Variants in USP42 observed in about 807,000 individuals in gnomAD.
USP42 encodes the protein ubiquitin carboxyl-terminal hydrolase 42.
In USP42, 23 loss-of-function variants were observed where a neutral mutation model predicts 113.0. The observed-to-expected ratio is 0.20, with a 90% confidence interval of 0.15 to 0.29. The LOEUF (loss-of-function observed/expected upper bound fraction) is 0.29. Among genes scored for constraint, USP42 ranks in the 10% least tolerant of loss-of-function variants. USP42 has a pLI of 1.00. For synonymous variants in USP42, 933 were observed against 699.0 expected (o/e 1.33, Z -5.28); for missense variants, 2,174 against 1,779.8 (o/e 1.22, Z -3.99).
the USP42 span, among the ~76,000 whole-genome samples, chr7:6,091,985 T>C: frequency 1.2e-3 from 41 of 34,368 alleles, 3 homozygotes; most frequent in African/African-American, 3.0e-3. Flanking sequence ...TTTTTTCTTC[T>C]TCTTCTTCTT....
Position 6,159,746 on chromosome 7 carries a change from G to A in USP42, c.*36+253G>A, listed in dbSNP as rs991024048. Among the ~76,000 whole-genome samples the A allele has an allele frequency of 6.6e-6, 1 of 152,220 alleles. No individual in the cohort carries two copies. Among genetic ancestry groups the A allele is most frequent in the Admixed American group, 6.5e-5 (1 of 15,280 alleles). On this transcript the variant is annotated intron_variant, in intron 17 of 17. Coordinates refer to ENST00000306177, the MANE Select transcript of USP42 (RefSeq NM_032172.3). This position sits in a 1 kb window ranked among gnomAD's most constrained non-coding sequence, Gnocchi z 4.1. ...CCGCATCCTTCACGCAGGCAGAGTCGCCCTGTTCCCTTGTGCCTCACTTGG... is the reference window on the plus strand; with the variant it reads ...CCGCATCCTTCACGCAGGCAGAGTCACCCTGTTCCCTTGTGCCTCACTTGG...
chr7:6,152,404 C>T (rs1562851774), intron 14 of USP42, among the ~76,000 whole-genome samples: 2 of 152,330 alleles, frequency 1.3e-5, no homozygotes, highest in East Asian at 1.9e-4. Flanking sequence ...AGTGACACAC[C>T]CGTAGTTTTT....
rs776392661 is a variant in USP42, at chr7:6,161,255, C to T, written c.*737C>T. On this transcript the variant is annotated 3_prime_UTR_variant, in exon 18 of 18. Transcript: ENST00000306177. ...TTGTCTTCACTGATACTGGAGTCTC[C>T]GTTGTCTGCTTGGTCCCTTCGAGTT... is the stretch of plus-strand genomic sequence containing the variant. 4 of 152,468 alleles carry T rather than the reference C, an allele frequency of 2.6e-5. No individual in the cohort carries two copies. The highest frequency in any genetic ancestry group is 5.9e-5 in the Non-Finnish European group (4 of 68,020). 9.4% of individuals were successfully genotyped at this position (152,468 alleles called of 1,614,324 possible). A position where few individuals can be genotyped will look rare whatever the true frequency, so the allele number is the denominator to read the frequency against.
chr7:6,140,730 C>T (rs1459088653), intron 6 of USP42, among the ~76,000 whole-genome samples, 184 bp from the exon 7 acceptor site: 3 of 152,008 alleles, frequency 2.0e-5, no homozygotes, highest in Non-Finnish European at 4.4e-5. Context: ...TATGAGGGGC[C>T]AAATTCATTA....
chr7:6,090,346 A>ATTTATATATATTTC, the USP42 span, among the ~76,000 whole-genome samples: 4 of 119,896 alleles, frequency 3.3e-5, no homozygotes, highest in African/African-American at 1.1e-4. Context: ...TTATATATAT[A>ATTTATATATATTTC]TTTATATATA....
Position 6,150,129 on chromosome 7 carries a change from G to A in USP42, c.1933G>A (p.Glu645Lys). The A allele has an allele frequency of 6.2e-7, 1 of 1,613,300 alleles. No individual in the cohort carries two copies. Among genetic ancestry groups the A allele is most frequent in the Admixed American group, 1.7e-5 (1 of 59,908 alleles). The change falls in exon 13 of 18, where the codon GAG (glutamate) becomes AAG (lysine). Residue 645 changes from glutamate (E) to lysine (K), a missense_variant. Transcript: ENST00000306177. ...HSPGQDAEDE[E>K]ATPHELQEPM... Reference sequence around the variant, plus strand: ...TCCCGGCCAAGATGCCGAAGATGAGGAGGCCACTCCGCACGAGCTTCAAGA... The same window carrying A: ...TCCCGGCCAAGATGCCGAAGATGAGAAGGCCACTCCGCACGAGCTTCAAGA...
rs561609826 is a variant in USP42, at chr7:6,142,273, G to A, written c.796-659G>A. Among the ~76,000 whole-genome samples the A allele has an allele frequency of 2.7e-5, 4 of 150,466 alleles. 1 individual carries two copies. The highest frequency in any genetic ancestry group is 9.8e-5 in the African/African-American group (4 of 40,676). ...GCTCTGTCACCCAGGCTAGAGTGCA[G>A]TGGCTCGATCTCGGCTCACTGCAAC... On this transcript the variant is annotated intron_variant, in intron 7 of 17. Transcript: ENST00000306177.
the USP42 span, chr7:6,081,946 A>G: frequency 2.6e-5 from 4 of 152,264 alleles, no homozygotes; most frequent in South Asian, 2.1e-4. Flanking sequence ...AAGTTGCAGA[A>G]CAACACATAA....
chr7:6,083,588 A>C, the USP42 span, among the ~76,000 whole-genome samples: 1 of 150,516 alleles, frequency 6.6e-6, no homozygotes, highest in Non-Finnish European at 1.5e-5. Context: ...ATACATATAT[A>C]TACACACACA....
At position 6,155,202 on chromosome 7, in the gene USP42, C is replaced by T. The variant is rs561852755; in HGVS notation, c.3641+7C>T. On this transcript the variant is annotated splice_region_variant and intron_variant, in intron 15 of 17. Coordinates refer to ENST00000306177, the MANE Select transcript of USP42 (RefSeq NM_032172.3). ...ACCGAGACCGCGACTCCAGGTGAGC[C>T]TGGGGCCTTGTGCTCCCCGAGGCGC... The T allele has an allele frequency of 1.3e-6, 2 of 1,521,048 alleles. No individual in the cohort carries two copies. Among genetic ancestry groups the T allele is most frequent in the Non-Finnish European group, 1.8e-6 (2 of 1,141,112 alleles). The allele number at this position is 1,521,048 out of a possible 1,614,324, so 94.2% of individuals were successfully genotyped here.
intron 2 of USP42, among the ~76,000 whole-genome samples, chr7:6,113,984 A>G (rs578061308): frequency 2.4e-4 from 37 of 152,318 alleles, no homozygotes; most frequent in Non-Finnish European, 3.5e-4. Context: ...TAGTCTTGCC[A>G]TTGATGATTT....
intron 11 of USP42, 88 bp downstream of exon 11, chr7:6,146,336 T>TAAAAAA: frequency 1.3e-6 from 1 of 781,868 alleles, no homozygotes; most frequent in Non-Finnish European, 1.9e-6. Flanking sequence ...ATTCAGTGTT[T>TAAAAAA]TAAAAAAAAA....
intron 3 of USP42, among the ~76,000 whole-genome samples, chr7:6,123,177 C>G (rs1032179131): frequency 6.6e-6 from 1 of 152,160 alleles, no homozygotes; most frequent in Non-Finnish European, 1.5e-5. Context: ...AAATGACCCT[C>G]TTCATCCCAA....
intron 3 of USP42, among the ~76,000 whole-genome samples, chr7:6,123,990 C>T (rs1289507025): frequency 6.6e-6 from 1 of 152,128 alleles, no homozygotes; most frequent in African/African-American, 2.4e-5. Context: ...TGCCTCCTGC[C>T]TCGGTCTCCT....
rs953733730 is a variant in USP42, at chr7:6,154,911, A to T, written c.3357A>T (p.Ala1119=). The T allele has an allele frequency of 5.8e-6, 9 of 1,546,892 alleles. No individual in the cohort carries two copies. The African/African-American group carries it at 1.2e-4, about 21-fold the overall frequency. ...RERHRPSSPR[A]GAPHALAPHP... The stretch of plus-strand genomic sequence containing the variant: ...GGCACCGCCCCAGCAGCCCCCGCGC[A>T]GGCGCGCCCCACGCCCTCGCCCCGC... The change falls in exon 15 of 18, where the codon GCA becomes GCT. Residue 1119 remains alanine (A), a synonymous_variant. Coordinates refer to ENST00000306177, the MANE Select transcript of USP42 (RefSeq NM_032172.3).
In USP42 at chr7:6,112,219, C is replaced by T. The variant is rs932962321; in HGVS notation, c.241+845C>T. Among the ~76,000 whole-genome samples the T allele has an allele frequency of 5.3e-5, 8 of 152,174 alleles. No individual in the cohort carries two copies. In the East Asian group the frequency reaches 1.4e-3, roughly 26 times the overall value. ...ATCCCAGCACTTTGGGAGGCCAAGG[C>T]AGGTGGATCACCTGAGGTCAGGAGT... On this transcript the variant is annotated intron_variant, in intron 2 of 17. Transcript: ENST00000306177.
At chr7:6,151,514 T>C (rs1390774748) in intron 14 of USP42, among the ~76,000 whole-genome samples, 2 of 152,244 alleles carry the variant, frequency 1.3e-5, no homozygotes, top group Non-Finnish European at 2.9e-5. Flanking sequence ...CTCAGCTCAC[T>C]GCAGCCTCCG....
At position 6,154,483 on chromosome 7, in the gene USP42, C is replaced by G. The variant is rs1276999698; in HGVS notation, c.2929C>G (p.Arg977Gly). The change falls in exon 15 of 18, where the codon CGT becomes GGT. Residue 977 changes from arginine (R) to glycine (G), a missense_variant. Arg to Gly is a moderately radical substitution (Grantham distance 125). Coordinates refer to ENST00000306177, the MANE Select transcript of USP42 (RefSeq NM_032172.3). The part of the protein sequence containing the change: ...RESRSKTEGH[R>G]HRRRRTCPRE... Reference sequence around the variant, plus strand: ...GAGCAGGAGCAAGACTGAGGGCCACCGTCACCGGCGGCGCCGCACCTGCCC... The same window carrying G: ...GAGCAGGAGCAAGACTGAGGGCCACGGTCACCGGCGGCGCCGCACCTGCCC... 2 of 1,549,770 alleles carry G rather than the reference C, an allele frequency of 1.3e-6. No homozygotes were observed. The highest frequency in any genetic ancestry group is 3.9e-5 in the Admixed American group (2 of 51,234).
chr7:6,128,383 T>C (rs1371025440), intron 3 of USP42, among the ~76,000 whole-genome samples: 1 of 151,916 alleles, frequency 6.6e-6, no homozygotes, highest in East Asian at 1.9e-4. Flanking sequence ...CATCTCAGCC[T>C]TTGGAGCAGT....
Sources: gnomAD v4.1 joint callset for allele counts (sites outside exome capture counted in the v4.1 genomes callset) on GRCh38, gnomAD v4.1.1 for gene constraint, Gnocchi (gnomAD v3.1) non-coding constraint, MANE v1.5 for transcripts, NCBI Gene and HGNC (gene_info 2026-07-23, HGNC 2026-07-21) for gene names.